The following SETD3 variants were observed in gnomAD, a reference collection of about 807,000 sequenced individuals.
SETD3 encodes SET domain containing 3, actin N3(tau)-histidine methyltransferase, also known as actin-histidine N-methyltransferase.
In SETD3, 19 loss-of-function variants were observed where a neutral mutation model predicts 63.0. The ratio of observed to expected loss-of-function variants is 0.30; its 90% CI spans 0.21 to 0.44. The LOEUF (loss-of-function observed/expected upper bound fraction) is 0.44, where lower values mean the gene tolerates loss of function less well. Among genes scored for constraint, SETD3 ranks in the 20% least tolerant of loss-of-function variants. The probability of loss-of-function intolerance (pLI) is 1.00; values close to 1 mark genes in which losing one functional copy is unlikely to be tolerated. For missense variants in SETD3, 587 were observed against 728.5 expected (o/e 0.81, Z 2.24); for synonymous variants, 286 against 264.1 (o/e 1.08, Z -0.80).
chr14:99,455,642 C>T (rs550737611), intron 6 of SETD3, among the ~76,000 whole-genome samples: 1 of 152,278 alleles, frequency 6.6e-6, no homozygotes, highest in East Asian at 1.9e-4. Context: ...TGGTAGGCCT[C>T]AGGCTTCCAA....
intron 6 of SETD3, among the ~76,000 whole-genome samples, chr14:99,451,158 T>C (rs1186223410): frequency 6.6e-6 from 1 of 152,214 alleles, no homozygotes; most frequent in Admixed American, 6.5e-5. Flanking sequence ...CAAACCCTAC[T>C]TTTCCACTTA....
rs1002945390 is a variant in SETD3, at chr14:99,413,168, C to G, written c.735-103G>C. ...TTAGGTTTGATCTCTTACAAACGTA[C>G]AAAGTCTTTTCCTAAGTAACAAAGG... On this transcript the variant is annotated intron_variant, in intron 7 of 12. Coordinates refer to ENST00000331768, the MANE Select transcript of SETD3 (RefSeq NM_032233.3). The G allele has an allele frequency of 1.9e-5, 12 of 647,516 alleles. No individual in the cohort carries two copies. In the East Asian group the frequency reaches 3.3e-4, roughly 18 times the overall value. 40.1% of individuals were successfully genotyped at this position (647,516 alleles called of 1,614,324 possible). A position where few individuals can be genotyped will look rare whatever the true frequency, so the allele number is the denominator to read the frequency against.
At chr14:99,427,045 G>A (rs1000478698) in intron 6 of SETD3, among the ~76,000 whole-genome samples, 2 of 152,180 alleles carry the variant, frequency 1.3e-5, no homozygotes, top group African/African-American at 2.4e-5. Flanking sequence ...GAGAGCGTGG[G>A]GGGCAGCTGG....
At chr14:99,411,144 G>C (rs1478004025) in intron 8 of SETD3, 3 of 152,164 alleles carry the variant, frequency 2.0e-5, no homozygotes, top group Non-Finnish European at 4.4e-5. Context: ...GCAGAGTGCA[G>C]AATGTCAGGA....
chr14:99,484,569 G>C (rs1303188920), upstream of SETD3, among the ~76,000 whole-genome samples: 1 of 152,232 alleles, frequency 6.6e-6, no homozygotes, highest in Non-Finnish European at 1.5e-5. Flanking sequence ...AAGGACCCTG[G>C]TAGAAGTTAA....
intron 6 of SETD3, among the ~76,000 whole-genome samples, chr14:99,427,256 C>T (rs952883955): frequency 2.0e-5 from 3 of 152,194 alleles, no homozygotes; most frequent in South Asian, 2.1e-4. Flanking sequence ...CTCCATTTGA[C>T]TGGAAGATGC....
At chr14:99,440,479 A>C (rs772356697) in intron 6 of SETD3, among the ~76,000 whole-genome samples, 2 of 152,166 alleles carry the variant, frequency 1.3e-5, no homozygotes, top group Admixed American at 6.5e-5. Context: ...CAGGGTCAGG[A>C]GCAATACACA....
At chr14:99,472,620 A>G (rs561321090) in intron 1 of SETD3, among the ~76,000 whole-genome samples, 2 of 152,222 alleles carry the variant, frequency 1.3e-5, no homozygotes, top group African/African-American at 2.4e-5. Context: ...TTTATTTTCA[A>G]TAATTATTTC....
At chr14:99,443,969 T>C (rs1028206448) in intron 6 of SETD3, among the ~76,000 whole-genome samples, 2 of 152,216 alleles carry the variant, frequency 1.3e-5, no homozygotes, top group African/African-American at 4.8e-5. Flanking sequence ...ACTCAGTCCC[T>C]GAGTGCTGGG....
intron 6 of SETD3, among the ~76,000 whole-genome samples, chr14:99,444,834 C>CA (rs58112982): frequency 0.096 from 11,030 of 115,494 alleles, 981 homozygotes; most frequent in African/African-American, 0.27. Flanking sequence ...GACTTTGTCT[C>CA]AAAAAAAAAA....
At chr14:99,403,453 A>ACTCT (rs1188702914) in intron 11 of SETD3, among the ~76,000 whole-genome samples, 4,884 of 105,212 alleles carry the variant, frequency 0.046, 43 homozygotes, top group Non-Finnish European at 0.06. Flanking sequence ...ACACACACAC[A>ACTCT]CACTCTCTCT....
chr14:99,431,418 C>T (rs544616454), intron 6 of SETD3, among the ~76,000 whole-genome samples: 22 of 152,290 alleles, frequency 1.4e-4, no homozygotes, highest in Non-Finnish European at 2.9e-4. Context: ...TTCTAGTGCA[C>T]ACCATTCACA....
intron 3 of SETD3, among the ~76,000 whole-genome samples, chr14:99,462,300 T>C (rs1461557266): frequency 1.3e-5 from 2 of 152,148 alleles, no homozygotes; most frequent in Non-Finnish European, 2.9e-5. Context: ...TGAAAAGACA[T>C]GCATAGAAAA....
chr14:99,428,885 C>T (rs1328408993), intron 6 of SETD3, among the ~76,000 whole-genome samples: 1 of 152,146 alleles, frequency 6.6e-6, no homozygotes, highest in Admixed American at 6.6e-5. Flanking sequence ...AGACCACACC[C>T]TAACTGCAGC....
chr14:99,441,563 A>G (rs1893814159), intron 6 of SETD3, among the ~76,000 whole-genome samples: 1 of 152,258 alleles, frequency 6.6e-6, no homozygotes, highest in African/African-American at 2.4e-5. Flanking sequence ...CACAGATGTC[A>G]GGGGGTCTTC....
rs182510247 is a variant in SETD3 at position 99,416,192 on chromosome 14, T to C, written c.676-2258A>G. On this transcript the variant is annotated intron_variant, in intron 6 of 12. Transcript: ENST00000331768. ...ATTGAACAAGGATAAGACAAATGTC[T>C]ATGCCAAACAATTTTCATTTAAGCT... Among the ~76,000 whole-genome samples the C allele has an allele frequency of 1.1e-3, 168 of 152,318 alleles. 1 individual carries two copies. Among genetic ancestry groups the C allele is most frequent in the African/African-American group, 4.0e-3 (165 of 41,592 alleles).
intron 2 of SETD3, 71 bp downstream of exon 2, chr14:99,465,632 C>T (rs879482275): frequency 1.8e-4 from 231 of 1,253,220 alleles, no homozygotes; most frequent in Admixed American, 1.0e-3. Flanking sequence ...CACGCGTCCC[C>T]ATTCTGGTGA....
intron 1 of SETD3, among the ~76,000 whole-genome samples, chr14:99,477,114 A>C (rs1896011936): frequency 6.6e-6 from 1 of 152,268 alleles, no homozygotes; most frequent in South Asian, 2.1e-4. Flanking sequence ...TCAAAGATAG[A>C]TGTGTCTTTC....
intron 4 of SETD3, 101 bp downstream of exon 4, chr14:99,461,091 G>GA: frequency 7.1e-7 from 1 of 1,399,106 alleles, no homozygotes; most frequent in Non-Finnish European, 9.8e-7. Context: ...CTCAGAACTA[G>GA]AACTCCCCCA....
Sources: gnomAD v4.1 joint callset for allele counts (sites outside exome capture counted in the v4.1 genomes callset) on GRCh38, gnomAD v4.1.1 for gene constraint, MANE v1.5 for transcripts, NCBI Gene and HGNC (gene_info 2026-07-23, HGNC 2026-07-21) for gene names.